TLL2: variants seen among roughly 807,000 people sequenced by gnomAD.
TLL2 encodes tolloid like 2.
TLL2 carries 106 observed loss-of-function variants against 123.0 expected under a neutral mutation model. That is an observed-to-expected ratio of 0.86 (90% CI 0.74 to 1.01). The LOEUF is 1.01. Ranked by LOEUF, TLL2 falls within the 50% of genes least tolerant of loss-of-function variation. The pLI is 0.00. For synonymous variants in TLL2, 494 were observed against 516.8 expected, an observed-to-expected ratio of 0.96 and a Z score of 0.60; for missense variants, 1,332 against 1,336.7, an observed-to-expected ratio of 1.00 and a Z score of 0.06.
At chr10:96,505,257 C>T (rs1242291171) in intron 1 of TLL2, among the ~76,000 whole-genome samples, 1 of 152,140 alleles carries the variant, frequency 6.6e-6, no homozygotes, top group Non-Finnish European at 1.5e-5. Context: ...TGAGAACTCG[C>T]TCACCATCAC....
At chr10:96,455,237 T>A (rs11188763) in intron 2 of TLL2, among the ~76,000 whole-genome samples, 17,191 of 151,500 alleles carry the variant, frequency 0.11, 1,050 homozygotes, top group South Asian at 0.21. Context: ...TCAAAAAAAA[T>A]AAAATTAAAT....
intron 2 of TLL2, among the ~76,000 whole-genome samples, chr10:96,464,249 T>C (rs1330460130): frequency 6.6e-6 from 1 of 151,922 alleles, no homozygotes; most frequent in African/African-American, 2.4e-5. Context: ...CCAGGTGTGG[T>C]GGTGTGCACC....
Position 96,370,331 on chromosome 10 carries a change from G to A in TLL2, c.2663-16C>T, listed in dbSNP as rs1846070231. ...CCCCCGCACTCTGGAGCAGAGAGAA[G>A]TGAGATGTCCCCTCAGCACAAGACA... On this transcript the variant is annotated splice_polypyrimidine_tract_variant and intron_variant, in intron 19 of 20. Transcript: ENST00000357947. 1 of 1,548,078 alleles carries A rather than the reference G, an allele frequency of 6.5e-7. No individual in the cohort carries two copies. The highest frequency in any genetic ancestry group is 8.7e-7 in the Non-Finnish European group (1 of 1,144,436).
intron 13 of TLL2, among the ~76,000 whole-genome samples, chr10:96,391,340 C>T (rs753958077): frequency 9.2e-5 from 14 of 152,160 alleles, no homozygotes; most frequent in Non-Finnish European, 1.9e-4. Flanking sequence ...TGCAAGAGAG[C>T]GAATAGCTAG....
intron 10 of TLL2, among the ~76,000 whole-genome samples, chr10:96,397,558 C>T (rs1846353685): frequency 6.6e-6 from 1 of 152,164 alleles, no homozygotes; most frequent in African/African-American, 2.4e-5. Context: ...AGAGAAGAGC[C>T]CAGGCAGCCT....
At chr10:96,378,175 C>A (rs575903788) in intron 17 of TLL2, among the ~76,000 whole-genome samples, 1 of 152,382 alleles carries the variant, frequency 6.6e-6, no homozygotes, top group Non-Finnish European at 1.5e-5. Flanking sequence ...TCTGCGGCAC[C>A]CAGCCAAATC....
Position 96,367,318 on chromosome 10 carries a change from A to C in TLL2, c.*770T>G, listed in dbSNP as rs998012993. On this transcript the variant is annotated 3_prime_UTR_variant, in exon 21 of 21. Coordinates refer to ENST00000357947, the MANE Select transcript of TLL2 (RefSeq NM_012465.4). The stretch of plus-strand genomic sequence containing the variant: ...CTTCTCAAAGTCAATGAATGAAAAA[A>C]ATATCAGGACGAGCCACAATATTGT... The C allele has an allele frequency of 2.0e-4, 31 of 152,224 alleles. No individual in the cohort carries two copies. The highest frequency in any genetic ancestry group is 7.2e-4 in the African/African-American group (30 of 41,450). 9.4% of individuals were successfully genotyped at this position (152,224 alleles called of 1,614,324 possible). A position where few individuals can be genotyped will look rare whatever the true frequency, so the allele number is the denominator to read the frequency against.
intron 2 of TLL2, among the ~76,000 whole-genome samples, chr10:96,448,782 G>T (rs767515418): frequency 2.6e-5 from 4 of 152,012 alleles, no homozygotes; most frequent in Non-Finnish European, 5.9e-5. Flanking sequence ...GGGGGAGGTG[G>T]GTACGACTGG....
In TLL2 at chr10:96,405,397, T is replaced by C. The variant is rs548386957; in HGVS notation, c.1165-63A>G. 74 of 1,455,210 alleles carry C rather than the reference T, an allele frequency of 5.1e-5. 1 individual carries two copies. In the South Asian group the frequency reaches 8.5e-4, roughly 17 times the overall value. The allele number at this position is 1,455,210 out of a possible 1,614,324, so 90.1% of individuals were successfully genotyped here. The stretch of plus-strand genomic sequence containing the variant: ...AGCCTGAGGAGTTTGGGAAGATATA[T>C]CTTGCATACTGGTGTTCTCACGTTA... On this transcript the variant is annotated intron_variant, in intron 9 of 20. Transcript: ENST00000357947.
Position 96,403,949 on chromosome 10 carries a change from A to G in TLL2, c.1267+1283T>C, listed in dbSNP as rs532999785. On this transcript the variant is annotated intron_variant, in intron 10 of 20. Coordinates refer to ENST00000357947, the MANE Select transcript of TLL2 (RefSeq NM_012465.4). ...AAACATAAATCTGGCCTACGTGCACATCCAGGCATAGTACCTTCCCTTGAA... is the reference window on the plus strand; with the variant it reads ...AAACATAAATCTGGCCTACGTGCACGTCCAGGCATAGTACCTTCCCTTGAA... Among the ~76,000 whole-genome samples the G allele has an allele frequency of 7.6e-3, 1,131 of 148,596 alleles. 3 individuals are homozygous for G. Among genetic ancestry groups the G allele is most frequent in the Admixed American group, 9.6e-3 (142 of 14,780 alleles).
chr10:96,393,476 G>A (rs527635702), intron 13 of TLL2, among the ~76,000 whole-genome samples: 3 of 152,234 alleles, frequency 2.0e-5, no homozygotes, highest in African/African-American at 7.2e-5. Flanking sequence ...AGAGAGACTG[G>A]AGCTTGTGCA....
chr10:96,433,181 G>T (rs779587978), intron 3 of TLL2, among the ~76,000 whole-genome samples: 4 of 152,150 alleles, frequency 2.6e-5, no homozygotes, highest in Non-Finnish European at 5.9e-5. Context: ...AGTGGGTTTG[G>T]CTTGTCTGAG....
At chr10:96,411,115 C>T (rs930337129) in intron 8 of TLL2, among the ~76,000 whole-genome samples, 1 of 151,778 alleles carries the variant, frequency 6.6e-6, no homozygotes, top group Non-Finnish European at 1.5e-5. Context: ...TAGTGGCGTG[C>T]ACCTGTAATC....
intron 1 of TLL2, among the ~76,000 whole-genome samples, chr10:96,482,628 T>C (rs745506991): frequency 1.3e-5 from 2 of 152,230 alleles, no homozygotes; most frequent in Admixed American, 6.5e-5. Flanking sequence ...AAGGCTAATT[T>C]ATAGAAGTAG....
At chr10:96,383,227 A>C (rs936720170) in intron 16 of TLL2, among the ~76,000 whole-genome samples, 5 of 152,210 alleles carry the variant, frequency 3.3e-5, no homozygotes, top group African/African-American at 1.2e-4. Flanking sequence ...CTGAGGGTTC[A>C]TGGCCTTCAG....
At chr10:96,389,117 G>A (rs985313094) in intron 13 of TLL2, among the ~76,000 whole-genome samples, 3 of 152,300 alleles carry the variant, frequency 2.0e-5, no homozygotes, top group East Asian at 1.9e-4. Flanking sequence ...AAAAAGTAGC[G>A]GAAAGAGTCC....
chr10:96,368,135 G>C lies in TLL2; in HGVS notation c.3001C>G (p.Arg1001Gly), dbSNP rs768503540. 2.5e-6 allele frequency: 4 copies of C among 1,614,062 alleles called. No homozygotes were observed. The highest frequency in any genetic ancestry group is 3.4e-6 in the Non-Finnish European group (4 of 1,180,040). The stretch of plus-strand genomic sequence containing the variant: ...TCCTGGAACTTGGTGCTGGTGTATC[G>C]GGCATGAAAGCCTTTCTTGTTGATG... ...DTINKKGFHA[R>G]YTSTKFQDAL... is the part of the protein sequence containing the mutation. The change falls in exon 21 of 21, where the codon CGA becomes GGA. Residue 1001 changes from arginine (R) to glycine (G), a missense_variant. Coordinates refer to ENST00000357947, the MANE Select transcript of TLL2 (RefSeq NM_012465.4).
At chr10:96,507,660 G>T (rs72812961) in intron 1 of TLL2, among the ~76,000 whole-genome samples, 1 of 152,148 alleles carries the variant, frequency 6.6e-6, no homozygotes, top group Non-Finnish European at 1.5e-5. Flanking sequence ...CCTGAAAAGT[G>T]GATATTACTA....
chr10:96,469,235 C>T (rs943491465), intron 2 of TLL2, among the ~76,000 whole-genome samples: 7 of 152,248 alleles, frequency 4.6e-5, no homozygotes, highest in African/African-American at 1.7e-4. Flanking sequence ...ACCCTTCCCT[C>T]CGGTCTGACT....
Sources: allele counts gnomAD v4.1 joint callset (sites outside exome capture counted in the v4.1 genomes callset), GRCh38; gene constraint gnomAD v4.1.1; transcripts MANE v1.5; gene names NCBI Gene and HGNC (gene_info 2026-07-23, HGNC 2026-07-21).